ARL14EP: variants seen among roughly 807,000 people sequenced by gnomAD.
ARL14EP encodes ARF like GTPase 14 effector protein.
In ARL14EP, 12 loss-of-function variants were observed where a neutral mutation model predicts 23.1. The ratio of observed to expected loss-of-function variants is 0.52; its 90% CI spans 0.33 to 0.84. ARL14EP has a LOEUF of 0.84. ARL14EP is among the 40% of genes least tolerant of loss of function. The pLI is 0.02. For missense variants in ARL14EP, 253 were observed against 307.3 expected, an observed-to-expected ratio of 0.82 and a Z score of 1.32; for synonymous variants, 97 against 102.0, an observed-to-expected ratio of 0.95 and a Z score of 0.29.
At position 30,337,443 on chromosome 11, in the gene ARL14EP, C is replaced by T. The variant is rs1215407382; in HGVS notation, c.*648C>T. 1 of 152,144 alleles carries T rather than the reference C, an allele frequency of 6.6e-6. No homozygotes were observed. The highest frequency in any genetic ancestry group is 1.5e-5 in the Non-Finnish European group (1 of 68,120). 9.4% of individuals were successfully genotyped at this position (152,144 alleles called of 1,614,324 possible). On this transcript the variant is annotated 3_prime_UTR_variant, in exon 4 of 4. Transcript: ENST00000282032. ...CAACAAAGATGAAAGTGCAGCAAAGCAATGAAAAATGATAACACTGGAAGT... is the reference window on the plus strand; with the variant it reads ...CAACAAAGATGAAAGTGCAGCAAAGTAATGAAAAATGATAACACTGGAAGT...
At chr11:30,330,233 G>T (rs1947271415) in intron 1 of ARL14EP, 1 of 152,254 alleles carries the variant, frequency 6.6e-6, no homozygotes. Flanking sequence ...TAGGTTTAAA[G>T]TAAATCAATA....
rs1947278735 is a variant in ARL14EP at position 30,331,104 on chromosome 11, G to A, written c.156G>A (p.Gly52=). ...TTAGAACTGGAATGACACTTTCTGG[G>A]AACAATACAATTTGCTTTCATCATG... is the stretch of plus-strand genomic sequence containing the variant. ...LQLRTGMTLS[G]NNTICFHHVK... is the part of the protein sequence containing the mutation. The change falls in exon 2 of 4, where the codon GGG becomes GGA. Residue 52 remains glycine (G), a synonymous_variant. Transcript: ENST00000282032. The A allele has an allele frequency of 6.2e-7, 1 of 1,613,886 alleles. No individual in the cohort carries two copies. Among genetic ancestry groups the A allele is most frequent in the Non-Finnish European group, 8.5e-7 (1 of 1,179,854 alleles).
At chr11:30,328,012 A>G (rs1022654565) in intron 1 of ARL14EP, 1 of 152,082 alleles carries the variant, frequency 6.6e-6, no homozygotes, top group African/African-American at 2.4e-5. Flanking sequence ...GGTCAAAGCC[A>G]GATTGTGTCC....
At position 30,332,778 on chromosome 11, in the gene ARL14EP, G is replaced by A. The variant is rs1427694618; in HGVS notation, c.427-88G>A. The A allele has an allele frequency of 2.7e-6, 4 of 1,501,924 alleles. No individual in the cohort carries two copies. In the Admixed American group the frequency reaches 5.4e-5, roughly 20 times the overall value. 93.0% of individuals were successfully genotyped at this position (1,501,924 alleles called of 1,614,324 possible). ...GTGTTCCAGACTGTCTTCCATGTTA[G>A]GGAATCGTCTGGTTTAACATTAAAT... On this transcript the variant is annotated intron_variant, in intron 2 of 3. Transcript: ENST00000282032.
chr11:30,333,175 A>G (rs1400762122), intron 3 of ARL14EP, among the ~76,000 whole-genome samples, 182 bp downstream of exon 3: 1 of 152,216 alleles, frequency 6.6e-6, no homozygotes, highest in Non-Finnish European at 1.5e-5. Flanking sequence ...CCTTTCAACT[A>G]CAAAAATTTG....
Position 30,337,338 on chromosome 11 carries a change from G to T in ARL14EP, c.*543G>T. On this transcript the variant is annotated 3_prime_UTR_variant, in exon 4 of 4. Coordinates refer to ENST00000282032, the MANE Select transcript of ARL14EP (RefSeq NM_152316.3). ...CTGTGCATCTGTTAATTCAGTTCAC[G>T]TACAGCAGAGCATGTAGTTATGCTG... The T allele has an allele frequency of 6.1e-6, 1 of 162,746 alleles. No individual in the cohort carries two copies. The highest frequency in any genetic ancestry group is 1.3e-5 in the Non-Finnish European group (1 of 74,246). The allele number at this position is 162,746 out of a possible 1,614,324, so 10.1% of individuals were successfully genotyped here.
intron 1 of ARL14EP, chr11:30,329,937 T>G (rs760012801): frequency 3.3e-5 from 5 of 152,148 alleles, no homozygotes; most frequent in Non-Finnish European, 5.9e-5. Flanking sequence ...TTTTGGTATC[T>G]GCTTGCTTGT....
At chr11:30,324,817 AG>A (rs1947225049) in intron 1 of ARL14EP, among the ~76,000 whole-genome samples, 1 of 152,198 alleles carries the variant, frequency 6.6e-6, no homozygotes, top group South Asian at 2.1e-4. Flanking sequence ...GTAGTAGGAG[AG>A]GTCTAATCAA....
chr11:30,323,739 G>C (rs781657436), intron 1 of ARL14EP, among the ~76,000 whole-genome samples: 1 of 152,168 alleles, frequency 6.6e-6, no homozygotes, highest in Non-Finnish European at 1.5e-5. Flanking sequence ...GCCTCTTACA[G>C]GGTTGGGTTG....
rs545637765 is a variant in ARL14EP at position 30,336,477 on chromosome 11, T to C, written c.555-90T>C. ...TTTGGCATGACCTCATCTAAAAATATTTTATCTCCTTTTTTTTTTTTACTG... is the reference window on the plus strand; with the variant it reads ...TTTGGCATGACCTCATCTAAAAATACTTTATCTCCTTTTTTTTTTTTACTG... On this transcript the variant is annotated intron_variant, in intron 3 of 3. Transcript: ENST00000282032. The C allele has an allele frequency of 6.6e-4, 791 of 1,203,312 alleles. 4 individuals carry two copies. In the African/African-American group the frequency reaches 0.012, roughly 18 times the overall value. The allele number at this position is 1,203,312 out of a possible 1,614,324, so 74.5% of individuals were successfully genotyped here. A position where few individuals can be genotyped will look rare whatever the true frequency, so the allele number is the denominator to read the frequency against.
chr11:30,331,353 G>A lies in ARL14EP; in HGVS notation c.405G>A (p.Gln135=), dbSNP rs1947281719. The A allele has an allele frequency of 6.2e-7, 1 of 1,613,924 alleles. No individual in the cohort carries two copies. The highest frequency in any genetic ancestry group is 8.5e-7 in the Non-Finnish European group (1 of 1,179,842). The change falls in exon 2 of 4, where the codon CAG becomes CAA. Residue 135 remains glutamine, a synonymous_variant. Transcript: ENST00000282032. ...GSVDVDTEDR[Q]KRKPESDGRT... ...TGGATGTTGATACTGAAGACCGCCA[G>A]AAAAGGAAACCTGAGTCAGATGTAT...
At chr11:30,335,779 T>A (rs1237166978) in intron 3 of ARL14EP, among the ~76,000 whole-genome samples, 1 of 34,568 alleles carries the variant, frequency 2.9e-5, no homozygotes, top group Non-Finnish European at 5.5e-5. Context: ...TATATATATG[T>A]GTGTGTGTGT....
In ARL14EP at chr11:30,336,778, A is replaced by C. The variant is rs1565011190; in HGVS notation, c.766A>C (p.Asn256His). 2.5e-6 allele frequency: 4 copies of C among 1,614,002 alleles called. No homozygotes were observed. Among genetic ancestry groups the C allele is most frequent in the Non-Finnish European group, 3.4e-6 (4 of 1,179,872 alleles). Reference protein sequence around the residue: ...IEIEGGEIIHNKHAG With the variant: ...IEIEGGEIIHHKHAG ...AATTGAAGGAGGAGAAATAATTCAT[A>C]ATAAACATGCTGGATAATCTGCGGT... The change falls in exon 4 of 4, where the codon AAT becomes CAT. Residue 256 changes from asparagine to histidine, a missense_variant. Transcript: ENST00000282032.
intron 3 of ARL14EP, among the ~76,000 whole-genome samples, chr11:30,335,086 T>C (rs775134334): frequency 6.6e-6 from 1 of 152,218 alleles, no homozygotes; most frequent in Non-Finnish European, 1.5e-5. Flanking sequence ...TCCAAGAGTT[T>C]GGAAGAAGAT....
At position 30,331,390 on chromosome 11, in the gene ARL14EP, AT is replaced by A. The variant is rs771184510; in HGVS notation, c.426+23del. On this transcript the variant is annotated intron_variant, in intron 2 of 3. Coordinates refer to ENST00000282032, the MANE Select transcript of ARL14EP (RefSeq NM_152316.3). ...TGAGTCAGATGTATGTGTAATAGTCATTTTTTTCTACATTGTGAATTCTACC... is the reference window on the plus strand; with the variant it reads ...TGAGTCAGATGTATGTGTAATAGTCATTTTTTCTACATTGTGAATTCTACC... 9 of 1,613,568 alleles carry A rather than the reference AT, an allele frequency of 5.6e-6. No individual in the cohort carries two copies. Among genetic ancestry groups the A allele is most frequent in the Middle Eastern group, 1.7e-4 (1 of 6,060 alleles).
chr11:30,324,647 CAACCT>C lies in ARL14EP; in HGVS notation c.-64+1448_-64+1452del. Reference sequence around the variant, plus strand: ...CGCGTGTGAGTTTTCTCAGCTTCCTCAACCTAATCTACCTTCCTTACCGTTTGGTA... The same window carrying C: ...CGCGTGTGAGTTTTCTCAGCTTCCTCAATCTACCTTCCTTACCGTTTGGTA... On this transcript the variant is annotated intron_variant, in intron 1 of 3. Coordinates refer to ENST00000282032, the MANE Select transcript of ARL14EP (RefSeq NM_152316.3). Among the ~76,000 whole-genome samples, 3 of 152,268 alleles carry C rather than the reference CAACCT, an allele frequency of 2.0e-5. 1 individual carries two copies. The South Asian group carries it at 6.2e-4, about 32-fold the overall frequency.
chr11:30,332,334 ATGTT>A (rs1565009405), intron 2 of ARL14EP, among the ~76,000 whole-genome samples: 2 of 151,122 alleles, frequency 1.3e-5, no homozygotes, highest in Non-Finnish European at 2.9e-5. Flanking sequence ...TATCTATCCA[ATGTT>A]CTTGTAGAAT....
Position 30,330,927 on chromosome 11 carries a change from G to GA in ARL14EP, c.-22_-21insA. 1 of 1,356,182 alleles carries GA rather than the reference G, an allele frequency of 7.4e-7. No individual in the cohort carries two copies. Among genetic ancestry groups the GA allele is most frequent in the Non-Finnish European group, 9.8e-7 (1 of 1,015,942 alleles). 84.0% of individuals were successfully genotyped at this position (1,356,182 alleles called of 1,614,324 possible). ...CCTAAACCTCCAGACAAAATAAAAC[G>GA]GAAAATTTGCTAGAATCAAGAATGA... On this transcript the variant is annotated 5_prime_UTR_variant, in exon 2 of 4. Transcript: ENST00000282032.
rs1430619939 is a variant in ARL14EP at position 30,332,983 on chromosome 11, G to T, written c.544G>T (p.Gly182Cys). 1.8e-5 allele frequency: 29 copies of T among 1,612,842 alleles called. No homozygotes were observed. The highest frequency in any genetic ancestry group is 2.4e-5 in the Non-Finnish European group (28 of 1,179,362). The change falls in exon 3 of 4, where the codon GGT becomes TGT. Residue 182 changes from glycine (G) to cysteine (C), a missense_variant. By Grantham distance (159) the Gly-to-Cys change is radical. Transcript: ENST00000282032. ...AAGGCTTACAAAAAATGCAACCGCTGGTTCAGACAGGTAGGCTAAGTGTTA... is the reference window on the plus strand; with the variant it reads ...AAGGCTTACAAAAAATGCAACCGCTTGTTCAGACAGGTAGGCTAAGTGTTA... ...KRRLTKNATA[G>C]SDRQVIPAKS...
Sources: allele counts gnomAD v4.1 joint callset (sites outside exome capture counted in the v4.1 genomes callset), GRCh38; gene constraint gnomAD v4.1.1; transcripts MANE v1.5; gene names NCBI Gene and HGNC (gene_info 2026-07-23, HGNC 2026-07-21).